The following GABRA4 variants were observed in gnomAD, a reference collection of about 807,000 sequenced individuals.
The protein encoded by GABRA4 is gamma-aminobutyric acid type A receptor subunit alpha4.
Under a neutral mutation model 49.7 loss-of-function variants are expected in GABRA4, and 12 were observed. The observed-to-expected ratio is 0.24, with a 90% CI of 0.15 to 0.39. The LOEUF is 0.39. Ranked by LOEUF, GABRA4 falls within the 10% of genes least tolerant of loss-of-function variation. GABRA4 has a pLI of 1.00. For missense variants in GABRA4, 506 were observed against 686.0 expected, an observed-to-expected ratio of 0.74 and a Z score of 2.93; for synonymous variants, 288 against 240.2, an observed-to-expected ratio of 1.20 and a Z score of -1.84.
chr4:46,942,914 C>A (rs1721856425), intron 8 of GABRA4, among the ~76,000 whole-genome samples: 1 of 152,044 alleles, frequency 6.6e-6, no homozygotes, highest in Admixed American at 6.6e-5. Flanking sequence ...TCAATGTCTT[C>A]TCCCCCCAAT....
intron 8 of GABRA4, among the ~76,000 whole-genome samples, chr4:46,950,696 A>T (rs1484439030): frequency 7.6e-6 from 1 of 131,074 alleles, no homozygotes; most frequent in Admixed American, 7.9e-5. Context: ...CGTTTTTTTA[A>T]GCTAATGATA....
In GABRA4 at chr4:46,971,223, A is replaced by G; in HGVS notation, c.734T>C (p.Val245Ala). Residue 245 changes from valine (V) to alanine (A), a missense_variant, in exon 7 of 9, where the codon GTT (valine) becomes GCT (alanine). Coordinates refer to ENST00000264318, the MANE Select transcript of GABRA4 (RefSeq NM_000809.4). ...TCTGAGGTGGAAGTAAACCGTCATAACAATATATTCACCTGCCAAGAAAAC... is the reference window on the plus strand; with the variant it reads ...TCTGAGGTGGAAGTAAACCGTCATAGCAATATATTCACCTGCCAAGAAAAC... ...TIKSITGEYI[V>A]MTVYFHLRRK... is the part of the protein sequence containing the mutation. The G allele has an allele frequency of 6.2e-7, 1 of 1,609,446 alleles. No homozygotes were observed. The highest frequency in any genetic ancestry group is 8.5e-7 in the Non-Finnish European group (1 of 1,176,892).
At chr4:46,932,517 T>C (rs1192226774) in intron 8 of GABRA4, among the ~76,000 whole-genome samples, 1 of 152,056 alleles carries the variant, frequency 6.6e-6, no homozygotes, top group Non-Finnish European at 1.5e-5. Context: ...CAGAAAAAAA[T>C]ACAGCATGTC....
At chr4:46,966,769 T>C (rs1041412490) in intron 7 of GABRA4, among the ~76,000 whole-genome samples, 5 of 151,802 alleles carry the variant, frequency 3.3e-5, no homozygotes, top group Non-Finnish European at 7.4e-5. Context: ...TTTATAAAGA[T>C]CTGAGAATCC....
In GABRA4 at chr4:46,925,244, T is replaced by C. The variant is rs535892966; in HGVS notation, c.*2981A>G. 8.5e-5 allele frequency: 13 copies of C among 152,108 alleles called. No homozygotes were observed. Among genetic ancestry groups the C allele is most frequent in the African/African-American group, 3.1e-4 (13 of 41,562 alleles). 9.4% of individuals were successfully genotyped at this position (152,108 alleles called of 1,614,324 possible). A position where few individuals can be genotyped will look rare whatever the true frequency, so the allele number is the denominator to read the frequency against. ...CATCAAAAAAAGTGTGACTCTACTC[T>C]CTACCTACTTTAATACAAGATTTGT... On this transcript the variant is annotated 3_prime_UTR_variant, in exon 9 of 9. Coordinates refer to ENST00000264318, the MANE Select transcript of GABRA4 (RefSeq NM_000809.4).
chr4:46,973,976 T>A (rs1357273188), intron 6 of GABRA4, among the ~76,000 whole-genome samples: 2 of 151,856 alleles, frequency 1.3e-5, no homozygotes, highest in East Asian at 3.9e-4. Context: ...AATTTTAACA[T>A]ATTTGATTAC....
At chr4:46,963,160 C>T (rs1372639557) in intron 8 of GABRA4, among the ~76,000 whole-genome samples, 1 of 151,766 alleles carries the variant, frequency 6.6e-6, no homozygotes, top group African/African-American at 2.4e-5. Flanking sequence ...GAAGTGACAA[C>T]TCATAGATTG....
intron 2 of GABRA4, among the ~76,000 whole-genome samples, chr4:46,982,539 CTG>C (rs1456881419): frequency 6.6e-6 from 1 of 152,032 alleles, no homozygotes; most frequent in Non-Finnish European, 1.5e-5. Flanking sequence ...GCCACACAGT[CTG>C]TGGTACTTTG....
At chr4:46,981,353 T>C (rs1206155478) in intron 2 of GABRA4, among the ~76,000 whole-genome samples, 2 of 152,160 alleles carry the variant, frequency 1.3e-5, no homozygotes, top group Admixed American at 6.6e-5. Flanking sequence ...GATTCCATGA[T>C]AATAATGAAC....
intron 8 of GABRA4, among the ~76,000 whole-genome samples, chr4:46,935,342 AT>A (rs1721569794): frequency 1.3e-5 from 2 of 152,168 alleles, no homozygotes; most frequent in South Asian, 4.1e-4. Flanking sequence ...CTTCCTCCTA[AT>A]AAATATATAA....
intron 8 of GABRA4, among the ~76,000 whole-genome samples, chr4:46,937,540 T>A (rs999301513): frequency 3.3e-5 from 5 of 152,206 alleles, no homozygotes; most frequent in Non-Finnish European, 7.3e-5. Flanking sequence ...GTGGGTATAC[T>A]TTTCTGGTAA....
chr4:46,976,928 C>T, intron 5 of GABRA4, 133 bp downstream of exon 5: 1 of 546,550 alleles, frequency 1.8e-6, no homozygotes, highest in Non-Finnish European at 3.3e-6. Flanking sequence ...ATGAAATCTC[C>T]AGAAATAAAA....
intron 2 of GABRA4, among the ~76,000 whole-genome samples, chr4:46,984,338 C>A (rs555691720): frequency 6.6e-6 from 1 of 152,150 alleles, no homozygotes; most frequent in African/African-American, 2.4e-5. Flanking sequence ...AACAAGGAAT[C>A]CTAACTGAAA....
At chr4:46,984,334 G>A (rs1185909866) in intron 2 of GABRA4, among the ~76,000 whole-genome samples, 2 of 151,944 alleles carry the variant, frequency 1.3e-5, no homozygotes, top group African/African-American at 4.8e-5. Context: ...ATACAACAAG[G>A]AATCCTAACT....
intron 2 of GABRA4, among the ~76,000 whole-genome samples, chr4:46,983,215 A>T (rs760773514): frequency 1.3e-5 from 2 of 152,122 alleles, no homozygotes; most frequent in Non-Finnish European, 2.9e-5. Context: ...TAAATTATTA[A>T]TTACTTAAGC....
intron 2 of GABRA4, among the ~76,000 whole-genome samples, chr4:46,989,146 C>T (rs574520241): frequency 6.6e-6 from 1 of 152,266 alleles, no homozygotes; most frequent in East Asian, 1.9e-4. Flanking sequence ...AGATCATATG[C>T]CTCAAAAGAT....
chr4:46,948,286 T>G (rs1003586068), intron 8 of GABRA4, among the ~76,000 whole-genome samples: 4 of 152,060 alleles, frequency 2.6e-5, no homozygotes, highest in Non-Finnish European at 5.9e-5. Context: ...GATTTGTTTA[T>G]CCTTTGGAAA....
At chr4:46,989,187 A>G (rs1369815104) in intron 2 of GABRA4, among the ~76,000 whole-genome samples, 5 of 152,206 alleles carry the variant, frequency 3.3e-5, no homozygotes, top group Admixed American at 1.3e-4. Context: ...GCAACCCTTC[A>G]ATAAACGGAA....
chr4:46,954,073 T>TA (rs1418280254), intron 8 of GABRA4, among the ~76,000 whole-genome samples: 5 of 152,256 alleles, frequency 3.3e-5, no homozygotes, highest in Admixed American at 6.5e-5. Flanking sequence ...ATGAAGTGCT[T>TA]AAAATATTCT....
Sources: allele counts gnomAD v4.1 joint callset (sites outside exome capture counted in the v4.1 genomes callset), GRCh38; gene constraint gnomAD v4.1.1; transcripts MANE v1.5; gene names NCBI Gene and HGNC (gene_info 2026-07-23, HGNC 2026-07-21).